GRIK1: variants seen among roughly 807,000 people sequenced by gnomAD.
The protein encoded by GRIK1 is glutamate receptor ionotropic, kainate 1.
GRIK1 carries 69 observed loss-of-function variants against 105.7 expected under a neutral mutation model. The ratio of observed to expected loss-of-function variants is 0.65; its 90% CI spans 0.54 to 0.80. The LOEUF is 0.80. GRIK1 is among the 30% of genes least tolerant of loss of function. GRIK1 has a pLI of 0.00. For synonymous variants in GRIK1, 438 were observed against 431.3 expected (o/e 1.02, Z -0.19); for missense variants, 1,109 against 1,167.3 (o/e 0.95, Z 0.73).
intron 1 of GRIK1, among the ~76,000 whole-genome samples, chr21:29,808,755 A>G (rs183706175): frequency 2.1e-4 from 32 of 152,268 alleles, no homozygotes; most frequent in African/African-American, 7.5e-4. Context: ...CTCAGCTTTC[A>G]GAGAGTTGGC....
chr21:29,867,895 AGAGAGAGAAAG>A (rs1162497551), intron 1 of GRIK1, among the ~76,000 whole-genome samples: 1 of 108,476 alleles, frequency 9.2e-6, no homozygotes, highest in Non-Finnish European at 1.9e-5. Flanking sequence ...AAAGAGAGAG[AGAGAGAGAAAG>A]AAAGAGAGAG....
chr21:29,850,011 A>C (rs1403363789), intron 1 of GRIK1, among the ~76,000 whole-genome samples: 3 of 152,152 alleles, frequency 2.0e-5, no homozygotes, highest in Non-Finnish European at 4.4e-5. Flanking sequence ...GCCCCCATGA[A>C]ACTCACGTTT....
In GRIK1 at chr21:29,560,519, CCTTT is replaced by C. The variant is rs1201508832; in HGVS notation, c.2356+1101_2356+1104del. On this transcript the variant is annotated intron_variant, in intron 15 of 17. Transcript: ENST00000327783. Reference sequence around the variant, plus strand: ...TCTTTCCTTCCTTCCTTCCTTCCTTCCTTTCTTTCTTTCTTTCTTTCTTTCTTTC... The same window carrying C: ...TCTTTCCTTCCTTCCTTCCTTCCTTCCTTTCTTTCTTTCTTTCTTTCTTTC... 2.9e-3 allele frequency among the ~76,000 whole-genome samples: 170 copies of C among 57,824 alleles called. 7 individuals carry two copies. Among genetic ancestry groups the C allele is most frequent in the Non-Finnish European group, 4.3e-3 (142 of 32,884 alleles). The allele number at this position is 57,824 out of a possible 152,430, so 37.9% of individuals were successfully genotyped here.
chr21:29,888,949 T>A (rs2069787021), intron 1 of GRIK1, among the ~76,000 whole-genome samples: 1 of 152,142 alleles, frequency 6.6e-6, no homozygotes, highest in Non-Finnish European at 1.5e-5. Context: ...TTCCATCCTG[T>A]TTTTTTGTAA....
chr21:29,680,321 A>T (rs2063346539), intron 3 of GRIK1, among the ~76,000 whole-genome samples: 1 of 152,348 alleles, frequency 6.6e-6, no homozygotes, highest in South Asian at 2.1e-4. Context: ...AAAACTTTCA[A>T]ATGGGGAACA....
At chr21:29,610,043 C>T in intron 7 of GRIK1, among the ~76,000 whole-genome samples, 1 of 152,144 alleles carries the variant, frequency 6.6e-6, no homozygotes, top group Non-Finnish European at 1.5e-5. Flanking sequence ...ATTCAGAAAG[C>T]CCTCTCTGGA....
intron 1 of GRIK1, among the ~76,000 whole-genome samples, chr21:29,855,523 A>G (rs1163615854): frequency 6.6e-6 from 1 of 152,208 alleles, no homozygotes; most frequent in Non-Finnish European, 1.5e-5. Flanking sequence ...CAAGTACAGT[A>G]TATTGCCAGT....
At chr21:29,602,898 T>C (rs1987986355) in intron 7 of GRIK1, among the ~76,000 whole-genome samples, 1 of 152,092 alleles carries the variant, frequency 6.6e-6, no homozygotes, top group African/African-American at 2.4e-5. Flanking sequence ...CTTTTATAAT[T>C]GAGGAGAATG....
intron 7 of GRIK1, among the ~76,000 whole-genome samples, chr21:29,624,950 C>G (rs2062089883): frequency 6.6e-6 from 1 of 152,174 alleles, no homozygotes; most frequent in African/African-American, 2.4e-5. Flanking sequence ...CCAGGCCTTT[C>G]TTCTTCCCTT....
At chr21:29,859,685 T>G (rs570290297) in intron 1 of GRIK1, among the ~76,000 whole-genome samples, 9 of 152,314 alleles carry the variant, frequency 5.9e-5, no homozygotes, top group African/African-American at 2.2e-4. Context: ...TTATCAGCAC[T>G]GGGTGGGGAC....
At chr21:29,877,290 C>T (rs1909753517) in intron 1 of GRIK1, among the ~76,000 whole-genome samples, 1 of 151,976 alleles carries the variant, frequency 6.6e-6, no homozygotes, top group Admixed American at 6.6e-5. Context: ...GACTTTTAAT[C>T]CTTAATTAAT....
chr21:29,575,029 T>C (rs2090855500), intron 14 of GRIK1, among the ~76,000 whole-genome samples: 1 of 152,144 alleles, frequency 6.6e-6, no homozygotes, highest in Non-Finnish European at 1.5e-5. Flanking sequence ...TAAAAAGTGT[T>C]TAAAAATCTT....
intron 12 of GRIK1, among the ~76,000 whole-genome samples, chr21:29,587,053 T>C (rs1196827082): frequency 6.6e-6 from 1 of 152,200 alleles, no homozygotes; most frequent in African/African-American, 2.4e-5. Context: ...GGAAACATTT[T>C]ACACATCATT....
intron 1 of GRIK1, among the ~76,000 whole-genome samples, chr21:29,938,893 C>T (rs2071869271): frequency 6.6e-6 from 1 of 152,176 alleles, no homozygotes; most frequent in East Asian, 1.9e-4. Context: ...GGGTAACAGG[C>T]TCTAGGATAT....
At chr21:29,823,198 T>C (rs1472486490) in intron 1 of GRIK1, among the ~76,000 whole-genome samples, 1 of 152,022 alleles carries the variant, frequency 6.6e-6, no homozygotes, top group Non-Finnish European at 1.5e-5. Flanking sequence ...TTTAAATATG[T>C]ATATAAATAT....
At chr21:29,616,895 A>G (rs545872655) in intron 7 of GRIK1, among the ~76,000 whole-genome samples, 1 of 152,364 alleles carries the variant, frequency 6.6e-6, no homozygotes, top group Admixed American at 6.5e-5. Flanking sequence ...GGTAAAAGTC[A>G]GTTGTTTCAA....
chr21:29,537,282 C>A lies in GRIK1; in HGVS notation c.2798G>T (p.Ser933Ile). The part of the protein sequence containing the change: ...SRTKGKSSFT[S>I]ILTCHQRRTQ... ...TCGTCTCTGATGACAAGTAAGGATACTTGTGAAGGAAGATTTCCCCTTAGT... is the reference window on the plus strand; with the variant it reads ...TCGTCTCTGATGACAAGTAAGGATAATTGTGAAGGAAGATTTCCCCTTAGT... Residue 933 changes from serine (S) to isoleucine (I), a missense_variant, in exon 18 of 18, where the codon AGT becomes ATT. Around this residue, in one of 5 missense-constraint regions of GRIK1, gnomAD observed 161 missense variants for 143.4 expected, o/e 1.12. Coordinates refer to ENST00000327783, the MANE Select transcript of GRIK1 (RefSeq NM_001330994.2). 2 of 1,612,116 alleles carry A rather than the reference C, an allele frequency of 1.2e-6. No individual in the cohort carries two copies. Among genetic ancestry groups the A allele is most frequent in the Non-Finnish European group, 1.7e-6 (2 of 1,178,720 alleles).
At chr21:29,660,976 G>A (rs913031990) in intron 4 of GRIK1, among the ~76,000 whole-genome samples, 3 of 152,218 alleles carry the variant, frequency 2.0e-5, no homozygotes, top group African/African-American at 4.8e-5. Flanking sequence ...GAGCTTCAGT[G>A]TGTAGCTCTT....
chr21:29,621,738 A>C (rs183431869), intron 7 of GRIK1, among the ~76,000 whole-genome samples: 263 of 152,262 alleles, frequency 1.7e-3, no homozygotes, highest in African/African-American at 5.9e-3. Context: ...AAGTAGCCTC[A>C]AAGTATCAGT....
Sources: allele counts gnomAD v4.1 joint callset (sites outside exome capture counted in the v4.1 genomes callset), GRCh38; gene constraint gnomAD v4.1.1; regional missense constraint gnomAD v4.1.1; transcripts MANE v1.5; gene names NCBI Gene and HGNC (gene_info 2026-07-23, HGNC 2026-07-21).